The following PKHD1 variants were observed in gnomAD, a reference collection of about 807,000 sequenced individuals.
PKHD1 encodes the protein PKHD1 ciliary IPT domain containing fibrocystin/polyductin, also known as fibrocystin.
A neutral mutation model predicts 412.0 loss-of-function variants in PKHD1; 291 were observed. That is an observed-to-expected ratio of 0.71 (90% CI 0.64 to 0.78). The LOEUF is 0.78. PKHD1 is among the 30% of genes least tolerant of loss of function. The probability of loss-of-function intolerance (pLI) is 0.00; values close to 1 mark genes in which losing one functional copy is unlikely to be tolerated. For synonymous variants in PKHD1, 1,777 were observed against 1,821.5 expected, an observed-to-expected ratio of 0.98 and a Z score of 0.62; for missense variants, 4,825 against 4,950.7, an observed-to-expected ratio of 0.97 and a Z score of 0.76.
intron 5 of PKHD1, among the ~76,000 whole-genome samples, chr6:52,078,143 G>A (rs1406919375): frequency 2.0e-5 from 3 of 152,044 alleles, no homozygotes; most frequent in African/African-American, 4.8e-5. Context: ...CTCCCTCCCA[G>A]CTCGTGAGAT....
chr6:51,978,205 C>A (rs1377354262), intron 35 of PKHD1, among the ~76,000 whole-genome samples: 4 of 152,162 alleles, frequency 2.6e-5, no homozygotes, highest in Non-Finnish European at 5.9e-5. Flanking sequence ...CACCCCACCC[C>A]ACACCAAGGT....
chr6:51,726,346 A>T (rs892070231), intron 60 of PKHD1, among the ~76,000 whole-genome samples: 1 of 152,248 alleles, frequency 6.6e-6, no homozygotes. Flanking sequence ...GTAAACAATC[A>T]TACTTAAAAT....
Position 51,970,700 on chromosome 6 carries a change from G to A in PKHD1, c.5752-10674C>T, listed in dbSNP as rs574518740. Among the ~76,000 whole-genome samples, 5 of 152,216 alleles carry A rather than the reference G, an allele frequency of 3.3e-5. No homozygotes were observed. In the East Asian group the frequency reaches 7.7e-4, roughly 23 times the overall value. ...CCAATTTCCCCCGCACACTTATCGA[G>A]TAGGGTGACTTTTCCCCACTGTATG... On this transcript the variant is annotated intron_variant, in intron 35 of 66. Coordinates refer to ENST00000371117, the MANE Select transcript of PKHD1 (RefSeq NM_138694.4).
chr6:51,625,338 G>A (rs1302250790), intron 66 of PKHD1, among the ~76,000 whole-genome samples: 5 of 152,224 alleles, frequency 3.3e-5, no homozygotes, highest in African/African-American at 9.6e-5. Context: ...TTTATGTAAA[G>A]CTACCAATAA....
chr6:51,896,434 C>G (rs1002125268), intron 43 of PKHD1, among the ~76,000 whole-genome samples: 6 of 152,166 alleles, frequency 3.9e-5, no homozygotes, highest in Non-Finnish European at 7.3e-5. Context: ...GGTACTCCAA[C>G]AGACCTGCAG....
chr6:51,912,034 A>C, intron 38 of PKHD1, 78 bp from the exon 39 acceptor site: 1 of 1,122,854 alleles, frequency 8.9e-7, no homozygotes, highest in East Asian at 2.5e-5. Flanking sequence ...CTAGATTAAC[A>C]TAATTCTTCC....
intron 27 of PKHD1, among the ~76,000 whole-genome samples, chr6:52,042,651 C>A (rs962221315): frequency 6.6e-6 from 1 of 152,162 alleles, no homozygotes; most frequent in African/African-American, 2.4e-5. Flanking sequence ...ATGCCTGACA[C>A]CACCAGCCAA....
intron 52 of PKHD1, among the ~76,000 whole-genome samples, chr6:51,825,860 A>G (rs1244238606): frequency 3.3e-5 from 5 of 152,064 alleles, no homozygotes; most frequent in Non-Finnish European, 5.9e-5. Context: ...CTAATCCAGA[A>G]TAAGTGGGGT....
intron 60 of PKHD1, among the ~76,000 whole-genome samples, chr6:51,703,318 G>C (rs2150716903): frequency 6.6e-6 from 1 of 152,078 alleles, no homozygotes; most frequent in African/African-American, 2.4e-5. Flanking sequence ...GGGTGTTCCA[G>C]TAATTTGCTT....
At chr6:52,036,644 G>C (rs1896992) in intron 27 of PKHD1, among the ~76,000 whole-genome samples, 63,781 of 151,964 alleles carry the variant, frequency 0.42, 15,283 homozygotes, top group Admixed American at 0.56. Context: ...GTGTGACTCG[G>C]TGGACTAGTA....
intron 55 of PKHD1, among the ~76,000 whole-genome samples, chr6:51,755,486 C>G (rs1786836333): frequency 6.6e-6 from 1 of 152,132 alleles, no homozygotes; most frequent in Non-Finnish European, 1.5e-5. Context: ...GCTTCATATC[C>G]TCATCTGAAA....
intron 57 of PKHD1, among the ~76,000 whole-genome samples, chr6:51,752,408 C>T (rs895360488): frequency 2.6e-5 from 4 of 152,140 alleles, no homozygotes; most frequent in South Asian, 2.1e-4. Context: ...CCACTGATAA[C>T]GGCTTATGGA....
At chr6:51,808,634 G>A (rs1293934033) in intron 52 of PKHD1, among the ~76,000 whole-genome samples, 1 of 152,096 alleles carries the variant, frequency 6.6e-6, no homozygotes, top group African/African-American at 2.4e-5. Context: ...AGAATAAGCT[G>A]TGCAGACTTC....
In PKHD1 at chr6:51,934,226, T is replaced by A. The variant is rs1787106767; in HGVS notation, c.6005A>T (p.Asp2002Val). The change falls in exon 37 of 67, where the codon GAC becomes GTC. Residue 2002 changes from aspartate to valine, a missense_variant. By Grantham distance (152) the Asp-to-Val change is radical (BLOSUM62 -3). Transcript: ENST00000371117. Reference sequence around the variant, plus strand: ...CTGAGCTCTGCCTTGGAAGGGCTTGTCTTCGGATCCAATCCGGAGCTCTCC... The same window carrying A: ...CTGAGCTCTGCCTTGGAAGGGCTTGACTTCGGATCCAATCCGGAGCTCTCC... Reference protein sequence around the residue: ...DGGELRIGSEDKPFQGRAQIT... With the variant: ...DGGELRIGSEVKPFQGRAQIT... The A allele has an allele frequency of 6.2e-7, 1 of 1,613,530 alleles. No individual in the cohort carries two copies. The highest frequency in any genetic ancestry group is 1.3e-5 in the African/African-American group (1 of 74,894).
intron 55 of PKHD1, among the ~76,000 whole-genome samples, chr6:51,766,537 A>C (rs192302607): frequency 6.6e-6 from 1 of 151,820 alleles, no homozygotes; most frequent in Non-Finnish European, 1.5e-5. Context: ...CATTTTTTCT[A>C]TATGTTTATT....
chr6:51,869,139 C>T (rs888860318), intron 47 of PKHD1, among the ~76,000 whole-genome samples: 2 of 152,220 alleles, frequency 1.3e-5, no homozygotes, highest in Non-Finnish European at 2.9e-5. Context: ...CCTCTTGCAA[C>T]TTCTGTATTT....
intron 21 of PKHD1, 83 bp downstream of exon 21, chr6:52,052,992 AT>A (rs1404323199): frequency 6.9e-6 from 9 of 1,298,982 alleles, no homozygotes; most frequent in Non-Finnish European, 1.0e-5. Context: ...TTCTCTCCTC[AT>A]TAAAAAAAAC....
intron 55 of PKHD1, among the ~76,000 whole-genome samples, chr6:51,769,342 T>C (rs183324075): frequency 3.4e-4 from 52 of 151,618 alleles, no homozygotes; most frequent in African/African-American, 1.2e-3. Flanking sequence ...TCCTTGTTCT[T>C]TGTTTTATTC....
Position 51,791,351 on chromosome 6 carries a change from T to G in PKHD1, c.8325A>C (p.Thr2775=), listed in dbSNP as rs753727582. 7.7e-5 allele frequency: 125 copies of G among 1,613,570 alleles called. No individual in the cohort carries two copies. Among genetic ancestry groups the G allele is most frequent in the Non-Finnish European group, 9.3e-5 (110 of 1,179,672 alleles). ...ILPNRTVLVD[T]DLPFFKGLYV... Reference sequence around the variant, plus strand: ...ACAGCCCTTTGAAGAATGGAAGATCTGTATCCACAAGGACAGTTCTGTCTG... The same window carrying G: ...ACAGCCCTTTGAAGAATGGAAGATCGGTATCCACAAGGACAGTTCTGTCTG... Residue 2775 remains threonine (T), a synonymous_variant, in exon 53 of 67, where the codon ACA becomes ACC. Transcript: ENST00000371117.
Sources: allele counts gnomAD v4.1 joint callset (sites outside exome capture counted in the v4.1 genomes callset), GRCh38; gene constraint gnomAD v4.1.1; transcripts MANE v1.5; gene names NCBI Gene and HGNC (gene_info 2026-07-23, HGNC 2026-07-21).